KDM3A: variants seen among roughly 807,000 people sequenced by gnomAD.
KDM3A encodes lysine-specific demethylase 3A.
Under a neutral mutation model 158.0 loss-of-function variants are expected in KDM3A, and 60 were observed. That is an observed-to-expected ratio of 0.38 (90% CI 0.31 to 0.47). The LOEUF is 0.47. Among genes scored for constraint, KDM3A ranks in the 20% least tolerant of loss-of-function variants. KDM3A has a pLI of 0.99. For missense variants in KDM3A, 1,319 were observed against 1,574.3 expected (o/e 0.84, Z 2.74); for synonymous variants, 608 against 549.3 (o/e 1.11, Z -1.49).
Position 86,483,689 on chromosome 2 carries a change from G to A in KDM3A, c.2923-298G>A, listed in dbSNP as rs183203318. Reference sequence around the variant, plus strand: ...GGTGTCACTGGACACTCCTTCCAGCGCTTGTCTTCTTCACAGTCCGTCTTG... The same window carrying A: ...GGTGTCACTGGACACTCCTTCCAGCACTTGTCTTCTTCACAGTCCGTCTTG... On this transcript the variant is annotated intron_variant, in intron 18 of 25. Coordinates refer to ENST00000312912, the MANE Select transcript of KDM3A (RefSeq NM_018433.6). 82 of 181,718 alleles carry A rather than the reference G, an allele frequency of 4.5e-4. 1 individual carries two copies. Among genetic ancestry groups the A allele is most frequent in the Middle Eastern group, 2.3e-3 (1 of 434 alleles). 11.3% of individuals were successfully genotyped at this position (181,718 alleles called of 1,614,324 possible).
At position 86,442,112 on chromosome 2, in the gene KDM3A, C is replaced by T. The variant is rs1412639368; in HGVS notation, c.65C>T (p.Ala22Val). ...GGGAGGAGGTTTCTCAGTCTGTCCG[C>T]AGCCGACGGCAGCGATGGCAGCCAC... Reference protein sequence around the residue: ...LVGRRFLSLSAADGSDGSHDS... With the variant: ...LVGRRFLSLSVADGSDGSHDS... The change falls in exon 2 of 26, where the codon GCA becomes GTA. Residue 22 changes from alanine (A) to valine (V), a missense_variant. By Grantham distance (64) the Ala-to-Val change is moderately conservative. This residue lies in a region of KDM3A where 652 missense variants were observed against 627.2 expected (regional missense o/e 1.04). Coordinates refer to ENST00000312912, the MANE Select transcript of KDM3A (RefSeq NM_018433.6). 1 of 1,614,144 alleles carries T rather than the reference C, an allele frequency of 6.2e-7. No homozygotes were observed. The highest frequency in any genetic ancestry group is 8.5e-7 in the Non-Finnish European group (1 of 1,180,024).
Position 86,492,048 on chromosome 2 carries a change from G to C in KDM3A, c.3895G>C (p.Val1299Leu). The change falls in exon 26 of 26, where the codon GTT (valine) becomes CTT (leucine). Residue 1299 changes from valine to leucine, a missense_variant. Transcript: ENST00000312912. ...CTCCTACTATTTTTAGGTGAAGAAT[G>C]TTATCTACCATGCAGTGAAAGATGC... ...NHEDKLQVKN[V>L]IYHAVKDAVA... 6.2e-7 allele frequency: 1 copy of C among 1,611,796 alleles called. No homozygotes were observed.
In KDM3A at chr2:86,482,101, A is replaced by G. The variant is rs1304163334; in HGVS notation, c.2684A>G (p.Lys895Arg). 15 of 1,612,766 alleles carry G rather than the reference A, an allele frequency of 9.3e-6. No individual in the cohort carries two copies. The highest frequency in any genetic ancestry group is 1.3e-5 in the African/African-American group (1 of 74,694). Residue 895 changes from lysine to arginine, a missense_variant and splice_region_variant, in exon 17 of 26, where the codon AAG becomes AGG. Lys to Arg is a conservative substitution (Grantham distance 26). Transcript: ENST00000312912. ...LRNLLNSSTG[K>R]TENGLKNTPK... ...AATCTCTTGAATTCTTCTACAGGAA[A>G]GGTATGTGTTTGTTTGTTGGTATTC... is the stretch of plus-strand genomic sequence containing the variant.
At chr2:86,453,841 C>G (rs1672574184) in intron 4 of KDM3A, among the ~76,000 whole-genome samples, 1 of 152,168 alleles carries the variant, frequency 6.6e-6, no homozygotes, top group African/African-American at 2.4e-5. Context: ...ATGGATGACC[C>G]ATTCTTGGTC....
intron 23 of KDM3A, 127 bp downstream of exon 23, chr2:86,489,786 C>G (rs1248507172): frequency 1.0e-6 from 1 of 973,506 alleles, no homozygotes; most frequent in Non-Finnish European, 1.5e-6. Flanking sequence ...CTGTACCTGT[C>G]AGATTGAATA....
chr2:86,441,353 T>C (rs1015045321), upstream of KDM3A: 1 of 152,074 alleles, frequency 6.6e-6, no homozygotes, highest in Non-Finnish European at 1.5e-5. Flanking sequence ...GTGCGTGTCT[T>C]GTGAGAGCTC....
intron 9 of KDM3A, among the ~76,000 whole-genome samples, chr2:86,466,136 C>T (rs1332204101): frequency 6.6e-6 from 1 of 151,928 alleles, no homozygotes; most frequent in Non-Finnish European, 1.5e-5. Context: ...TTTCTGAGAA[C>T]GTGCAGACAT....
intron 2 of KDM3A, chr2:86,442,494 C>A (rs1682773832): frequency 1.9e-5 from 7 of 376,200 alleles, no homozygotes; most frequent in Non-Finnish European, 2.9e-5. Context: ...GGTGCTGTGT[C>A]CCACCAGGAC....
At chr2:86,480,092 A>T in intron 15 of KDM3A, 75 bp from the exon 16 acceptor site, 2 of 1,158,322 alleles carry the variant, frequency 1.7e-6, no homozygotes, top group Non-Finnish European at 2.6e-6. Context: ...TTGGTCGGCT[A>T]TTAGGAGAGA....
At chr2:86,440,335 A>G (rs1221645420), upstream of KDM3A, among the ~76,000 whole-genome samples, 2 of 152,186 alleles carry the variant, frequency 1.3e-5, no homozygotes, top group Non-Finnish European at 2.9e-5. Context: ...GGGAGGCATG[A>G]GTTCTTCTTA....
chr2:86,440,010 TTA>T (rs1682600961), upstream of KDM3A, among the ~76,000 whole-genome samples: 2 of 152,202 alleles, frequency 1.3e-5, no homozygotes, highest in South Asian at 4.1e-4. Flanking sequence ...CCATTTACAT[TTA>T]TTGTAAATAC....
chr2:86,459,076 T>C (rs1249412921), intron 8 of KDM3A, among the ~76,000 whole-genome samples: 2 of 152,176 alleles, frequency 1.3e-5, no homozygotes, highest in African/African-American at 2.4e-5. Flanking sequence ...ACAAATGGAA[T>C]GTCTGCCTCA....
chr2:86,476,814 A>C (rs1008205307), intron 12 of KDM3A, among the ~76,000 whole-genome samples: 7 of 152,338 alleles, frequency 4.6e-5, no homozygotes, highest in Middle Eastern at 3.4e-3. Context: ...TTTTGTATAA[A>C]CTAAAGCTTG....
intron 8 of KDM3A, among the ~76,000 whole-genome samples, chr2:86,458,671 A>G (rs555659341): frequency 6.6e-6 from 1 of 152,322 alleles, no homozygotes; most frequent in East Asian, 1.9e-4. Flanking sequence ...CAGCCTGGGC[A>G]GAGCCTCTCA....
chr2:86,452,435 A>G (rs1381628013), intron 4 of KDM3A, among the ~76,000 whole-genome samples: 1 of 152,184 alleles, frequency 6.6e-6, no homozygotes, highest in African/African-American at 2.4e-5. Flanking sequence ...AAATGTGACC[A>G]GAGGCTTGAA....
In KDM3A at chr2:86,456,807, T is replaced by G. The variant is rs747532456; in HGVS notation, c.684T>G (p.Ile228Met). The G allele has an allele frequency of 6.2e-7, 1 of 1,608,472 alleles. No individual in the cohort carries two copies. Residue 228 changes from isoleucine to methionine, a missense_variant and splice_region_variant, in exon 7 of 26, where the codon ATT (isoleucine) becomes ATG (methionine). Ile to Met is a conservative substitution (Grantham distance 10, BLOSUM62 1). This residue lies in a region of KDM3A where 652 missense variants were observed against 627.2 expected (regional missense o/e 1.04). Coordinates refer to ENST00000312912, the MANE Select transcript of KDM3A (RefSeq NM_018433.6). ...SKTLQVNCEE[I>M]PALKIVDPSL... ...TCTTTGTTTCATTTATTTTTAAGAT[T>G]CCAGCACTGAAAATTGTTGATCCGT...
chr2:86,449,510 C>T (rs1672344239), intron 2 of KDM3A, among the ~76,000 whole-genome samples: 1 of 152,098 alleles, frequency 6.6e-6, no homozygotes, highest in African/African-American at 2.4e-5. Context: ...TATGTAAACG[C>T]CTGATAAGTA....
chr2:86,457,913 C>A (rs569347100), intron 8 of KDM3A, among the ~76,000 whole-genome samples: 1 of 152,054 alleles, frequency 6.6e-6, no homozygotes, highest in African/African-American at 2.4e-5. Context: ...CCATTTGGAC[C>A]GAGACTATTT....
In KDM3A at chr2:86,466,457, A is replaced by G. The variant is rs1673152579; in HGVS notation, c.1093A>G (p.Lys365Glu). 7 of 1,613,908 alleles carry G rather than the reference A, an allele frequency of 4.3e-6. No homozygotes were observed. In the East Asian group the frequency reaches 1.3e-4, roughly 31 times the overall value. Reference protein sequence around the residue: ...EALRTKPDVCKAGLLSKSSQI... With the variant: ...EALRTKPDVCEAGLLSKSSQI... ...TCTGAGAACAAAACCAGATGTCTGCAAAGCAGGGTTGCTCTCAAAGTCCTC... is the reference window on the plus strand; with the variant it reads ...TCTGAGAACAAAACCAGATGTCTGCGAAGCAGGGTTGCTCTCAAAGTCCTC... Residue 365 changes from lysine (K) to glutamate (E), a missense_variant, in exon 10 of 26, where the codon AAA (lysine) becomes GAA (glutamate). Around this residue, in one of 4 missense-constraint regions of KDM3A, gnomAD observed 652 missense variants for 627.2 expected, o/e 1.04. Coordinates refer to ENST00000312912, the MANE Select transcript of KDM3A (RefSeq NM_018433.6).
Sources: allele counts gnomAD v4.1 joint callset (sites outside exome capture counted in the v4.1 genomes callset), GRCh38; gene constraint gnomAD v4.1.1; regional missense constraint gnomAD v4.1.1; transcripts MANE v1.5; gene names NCBI Gene and HGNC (gene_info 2026-07-23, HGNC 2026-07-21).